Variants in SMARCC1 observed in about 807,000 individuals in gnomAD.
The protein encoded by SMARCC1 is SWI/SNF related BAF chromatin remodeling complex subunit C1, also known as SWI/SNF complex subunit SMARCC1.
Under a neutral mutation model 147.4 loss-of-function variants are expected in SMARCC1, and 43 were observed. That is an observed-to-expected ratio of 0.29 (90% confidence interval 0.23 to 0.38). The LOEUF is 0.38. Ranked by LOEUF, SMARCC1 falls within the 10% of genes least tolerant of loss-of-function variation. The pLI is 1.00. For synonymous variants in SMARCC1, 495 were observed against 484.4 expected, an observed-to-expected ratio of 1.02 and a Z score of -0.29; for missense variants, 1,119 against 1,381.1, an observed-to-expected ratio of 0.81 and a Z score of 3.01.
At chr3:47,670,836 A>C (rs2033485819) in intron 18 of SMARCC1, 119 bp from the exon 19 acceptor site, 1 of 707,608 alleles carries the variant, frequency 1.4e-6, no homozygotes, top group Admixed American at 2.2e-5. Context: ...TAAGTCTTTG[A>C]CTAACAGGAA....
At position 47,780,174 on chromosome 3, in the gene SMARCC1, T is replaced by TG. The variant is rs1352058559; in HGVS notation, c.195+1428_195+1429insC. Among the ~76,000 whole-genome samples the TG allele has an allele frequency of 1.0e-3, 137 of 135,422 alleles. 1 individual carries two copies. Among genetic ancestry groups the TG allele is most frequent in the Admixed American group, 1.8e-3 (25 of 13,564 alleles). The allele number at this position is 135,422 out of a possible 152,430, so 88.8% of individuals were successfully genotyped here. On this transcript the variant is annotated intron_variant, in intron 1 of 27. Transcript: ENST00000254480. ...GGGTCTTTGGTTTTTTTTTGTTTTT[T>TG]TTTTTTTTTTTTTTTTGGAGACAGT...
At chr3:47,747,509 C>T (rs982895541) in intron 2 of SMARCC1, among the ~76,000 whole-genome samples, 16 of 69,500 alleles carry the variant, frequency 2.3e-4, no homozygotes, top group Admixed American at 4.9e-4. Context: ...TGGTGGCACA[C>T]GCCTGTAGTC....
intron 10 of SMARCC1, among the ~76,000 whole-genome samples, chr3:47,705,323 CAA>C (rs754344034): frequency 0.54 from 54,660 of 102,098 alleles, 12,442 homozygotes; most frequent in East Asian, 0.63. Context: ...GACTCCGTCT[CAA>C]AAAAAAAAAA....
intron 18 of SMARCC1, among the ~76,000 whole-genome samples, chr3:47,672,307 C>T (rs997865892): frequency 5.3e-5 from 8 of 152,018 alleles, no homozygotes; most frequent in African/African-American, 9.7e-5. Flanking sequence ...CTCCGCCTCC[C>T]GGGTTCACAC....
At chr3:47,625,810 A>C (rs2032801331) in intron 24 of SMARCC1, among the ~76,000 whole-genome samples, 1 of 152,306 alleles carries the variant, frequency 6.6e-6, no homozygotes, top group South Asian at 2.1e-4. Flanking sequence ...ATGATAAAAG[A>C]GAAAATTAGG....
At chr3:47,741,041 C>CA (rs2034503947) in intron 3 of SMARCC1, among the ~76,000 whole-genome samples, 1 of 151,560 alleles carries the variant, frequency 6.6e-6, no homozygotes, top group South Asian at 2.1e-4. Flanking sequence ...TTATTGTTGC[C>CA]AAAAAAAGAT....
chr3:47,712,781 T>C (rs1233444244), intron 8 of SMARCC1, among the ~76,000 whole-genome samples: 1 of 152,144 alleles, frequency 6.6e-6, no homozygotes, highest in Non-Finnish European at 1.5e-5. Flanking sequence ...GTCAAAATAA[T>C]ACAAAAGTCC....
intron 26 of SMARCC1, among the ~76,000 whole-genome samples, chr3:47,594,242 C>A (rs1196572602): frequency 6.6e-6 from 1 of 152,144 alleles, no homozygotes; most frequent in Admixed American, 6.5e-5. Flanking sequence ...ACATTATGAC[C>A]CAGAATGTAC....
intron 2 of SMARCC1, among the ~76,000 whole-genome samples, chr3:47,747,071 G>C (rs889304063): frequency 6.6e-6 from 1 of 151,892 alleles, no homozygotes; most frequent in African/African-American, 2.4e-5. Context: ...CAAGGTGAAA[G>C]AATCACTTGA....
At chr3:47,593,914 C>T (rs934734180) in intron 26 of SMARCC1, among the ~76,000 whole-genome samples, 1 of 152,130 alleles carries the variant, frequency 6.6e-6, no homozygotes, top group African/African-American at 2.4e-5. Flanking sequence ...CCTGTATTCC[C>T]AGCACTTTGC....
chr3:47,610,304 C>T lies in SMARCC1; in HGVS notation c.2805G>A (p.Leu935=). ...TGTGGAAGTTTTGGCGTTCAGTAAG[C>T]AACTGCTGCCTCTGTTGTTCTAGCT... is the stretch of plus-strand genomic sequence containing the variant. The part of the protein sequence containing the change: ...KEALEQQRQQ[L]LTERQNFHME... Residue 935 remains leucine, a synonymous_variant, in exon 26 of 28, where the codon TTG becomes TTA. Coordinates refer to ENST00000254480, the MANE Select transcript of SMARCC1 (RefSeq NM_003074.4). 1 of 1,614,170 alleles carries T rather than the reference C, an allele frequency of 6.2e-7. No individual in the cohort carries two copies. Among genetic ancestry groups the T allele is most frequent in the Non-Finnish European group, 8.5e-7 (1 of 1,180,030 alleles).
rs2033722652 is a variant in SMARCC1 at position 47,686,275 on chromosome 3, C to T, written c.1264-105G>A. On this transcript the variant is annotated intron_variant, in intron 13 of 27. Coordinates refer to ENST00000254480, the MANE Select transcript of SMARCC1 (RefSeq NM_003074.4). ...TTAGGTTAAATAAAATGAAGCTCCC[C>T]GATTCGATCAGATATTTGAAAAACA... 6 of 878,316 alleles carry T rather than the reference C, an allele frequency of 6.8e-6. No individual in the cohort carries two copies. In the South Asian group the frequency reaches 8.9e-5, roughly 13 times the overall value. The allele number at this position is 878,316 out of a possible 1,614,324, so 54.4% of individuals were successfully genotyped here.
intron 26 of SMARCC1, among the ~76,000 whole-genome samples, chr3:47,601,345 A>G (rs1268934162): frequency 6.6e-6 from 1 of 152,194 alleles, no homozygotes; most frequent in Non-Finnish European, 1.5e-5. Context: ...AAGTGAATCT[A>G]GGAAAGGGAA....
chr3:47,735,519 C>T (rs925684405), intron 5 of SMARCC1, among the ~76,000 whole-genome samples: 2 of 152,034 alleles, frequency 1.3e-5, no homozygotes, highest in African/African-American at 4.8e-5. Flanking sequence ...CCTGTAATCC[C>T]AGCACTTTGG....
At chr3:47,676,072 G>T (rs1033432364) in intron 17 of SMARCC1, among the ~76,000 whole-genome samples, 2 of 152,032 alleles carry the variant, frequency 1.3e-5, no homozygotes, top group Non-Finnish European at 2.9e-5. Flanking sequence ...TCACATTTTG[G>T]TGTCCCTTTA....
intron 1 of SMARCC1, among the ~76,000 whole-genome samples, chr3:47,778,389 G>A (rs2035003286): frequency 1.3e-5 from 2 of 151,822 alleles, no homozygotes; most frequent in South Asian, 2.1e-4. Flanking sequence ...GTTCACCGCA[G>A]CCTCGACCTC....
At chr3:47,695,242 A>G (rs550941698) in intron 11 of SMARCC1, among the ~76,000 whole-genome samples, 1 of 152,324 alleles carries the variant, frequency 6.6e-6, no homozygotes, top group South Asian at 2.1e-4. Context: ...GCTGAGGCAC[A>G]AGAAACGCTT....
At chr3:47,767,578 T>C (rs1215815574) in intron 2 of SMARCC1, among the ~76,000 whole-genome samples, 1 of 132,700 alleles carries the variant, frequency 7.5e-6, no homozygotes, top group Admixed American at 7.9e-5. Flanking sequence ...AAAGTCCAAA[T>C]AGTGAACTCG....
chr3:47,627,157 G>A (rs1312957763), intron 24 of SMARCC1, among the ~76,000 whole-genome samples: 2 of 152,086 alleles, frequency 1.3e-5, no homozygotes, highest in African/African-American at 4.8e-5. Flanking sequence ...AACCTAAAAT[G>A]TTTCTCTTTG....
Sources: gnomAD v4.1 joint callset for allele counts (sites outside exome capture counted in the v4.1 genomes callset) on GRCh38, gnomAD v4.1.1 for gene constraint, MANE v1.5 for transcripts, NCBI Gene and HGNC (gene_info 2026-07-23, HGNC 2026-07-21) for gene names.